VPS35L: variants seen among roughly 807,000 people sequenced by gnomAD.
VPS35L encodes the protein VPS35 endosomal protein sorting factor like, also known as VPS35 endosomal protein-sorting factor-like.
Under a neutral mutation model 133.0 loss-of-function variants are expected in VPS35L, and 83 were observed. The observed-to-expected ratio is 0.62, with a 90% CI of 0.52 to 0.75. The LOEUF (loss-of-function observed/expected upper bound fraction) is 0.75, where lower values mean the gene tolerates loss of function less well. Among genes scored for constraint, VPS35L ranks in the 30% least tolerant of loss-of-function variants. The pLI is 0.00. For missense variants in VPS35L, 1,083 were observed against 1,206.8 expected (o/e 0.90, Z 1.52); for synonymous variants, 423 against 449.9 (o/e 0.94, Z 0.76).
At chr16:19,649,844 G>A (rs1290216774) in intron 24 of VPS35L, among the ~76,000 whole-genome samples, 1 of 152,184 alleles carries the variant, frequency 6.6e-6, no homozygotes, top group Non-Finnish European at 1.5e-5. Flanking sequence ...GGAAATCAGG[G>A]GAGGTAATAG....
intron 2 of VPS35L, among the ~76,000 whole-genome samples, chr16:19,568,202 AG>A (rs1971247375): frequency 6.6e-6 from 1 of 152,176 alleles, no homozygotes; most frequent in South Asian, 2.1e-4. Context: ...AGAGCTACGT[AG>A]GGTGAGGCCC....
intron 14 of VPS35L, among the ~76,000 whole-genome samples, chr16:19,622,269 C>T (rs62024064): frequency 1.5e-3 from 225 of 151,652 alleles, no homozygotes; most frequent in Non-Finnish European, 3.0e-3. Flanking sequence ...CTCAGCCTCC[C>T]AAGTAACTGG....
intron 28 of VPS35L, among the ~76,000 whole-genome samples, chr16:19,691,049 C>T (rs866409553): frequency 6.6e-6 from 1 of 152,222 alleles, no homozygotes; most frequent in African/African-American, 2.4e-5. Context: ...AAGCCCTAGC[C>T]CAGTGCCTGG....
rs544461920 is a variant in VPS35L at position 19,624,828 on chromosome 16, T to A, written c.1225-1349T>A. On this transcript the variant is annotated intron_variant, in intron 14 of 30. Transcript: ENST00000417362. ...GGCTTTTGCATCTGTAAAATGGGGA[T>A]AATGTTCCATGGACCTCACAAGGAC... Among the ~76,000 whole-genome samples, 25 of 152,214 alleles carry A rather than the reference T, an allele frequency of 1.6e-4. No homozygotes were observed. The East Asian group carries it at 3.7e-3, about 22-fold the overall frequency.
intron 12 of VPS35L, chr16:19,611,822 G>A (rs2151548628): frequency 6.6e-6 from 1 of 152,090 alleles, no homozygotes; most frequent in Middle Eastern, 3.4e-3. Context: ...GACAACTTTT[G>A]AATATATTAA....
intron 27 of VPS35L, among the ~76,000 whole-genome samples, chr16:19,675,182 C>T (rs900193780): frequency 1.3e-5 from 2 of 151,818 alleles, no homozygotes; most frequent in Admixed American, 6.6e-5. Context: ...AACGCCAAGG[C>T]TCAAGTGCTC....
At chr16:19,669,324 G>A in intron 27 of VPS35L, 25 bp downstream of exon 27, 1 of 1,586,024 alleles carries the variant, frequency 6.3e-7, no homozygotes, top group Non-Finnish European at 8.6e-7. Context: ...CAGAACCGCA[G>A]GACATGTCTT....
chr16:19,581,717 T>TA, intron 7 of VPS35L, 64 bp downstream of exon 7: 1 of 1,581,996 alleles, frequency 6.3e-7, no homozygotes, highest in Non-Finnish European at 8.6e-7. Flanking sequence ...CTGTGAGACT[T>TA]AGAGTTTTCA....
intron 12 of VPS35L, among the ~76,000 whole-genome samples, chr16:19,615,530 A>G (rs939583907): frequency 6.6e-6 from 1 of 152,120 alleles, no homozygotes; most frequent in Non-Finnish European, 1.5e-5. Context: ...CATGCCTGTA[A>G]TCCCTGCTAC....
chr16:19,581,677 C>A, intron 7 of VPS35L, 24 bp downstream of exon 7: 2 of 1,611,218 alleles, frequency 1.2e-6, no homozygotes, highest in South Asian at 2.2e-5. Context: ...ATCCCCCACC[C>A]CCACCCAGAA....
At chr16:19,658,586 A>G (rs1300271096) in intron 26 of VPS35L, among the ~76,000 whole-genome samples, 3 of 152,168 alleles carry the variant, frequency 2.0e-5, no homozygotes, top group Admixed American at 6.5e-5. Context: ...TCTGTTTACA[A>G]TTATTACACT....
chr16:19,576,867 C>T (rs1971556920), intron 5 of VPS35L, among the ~76,000 whole-genome samples: 2 of 152,136 alleles, frequency 1.3e-5, no homozygotes, highest in Admixed American at 6.6e-5. Flanking sequence ...CCACCAGGCC[C>T]AGCTAATTTT....
chr16:19,669,448 T>C, intron 27 of VPS35L, 149 bp downstream of exon 27: 1 of 990,538 alleles, frequency 1.0e-6, no homozygotes, highest in Non-Finnish European at 1.4e-6. Flanking sequence ...GCTTAATGAA[T>C]TTTCTATTCT....
At chr16:19,640,934 G>A (rs907284523) in intron 21 of VPS35L, among the ~76,000 whole-genome samples, 2 of 152,162 alleles carry the variant, frequency 1.3e-5, no homozygotes, top group African/African-American at 4.8e-5. Context: ...TTTTTGTAGA[G>A]ATGAGGTCTC....
At chr16:19,647,420 A>G (rs1349715865) in intron 23 of VPS35L, among the ~76,000 whole-genome samples, 3 of 152,192 alleles carry the variant, frequency 2.0e-5, no homozygotes, top group Non-Finnish European at 4.4e-5. Flanking sequence ...ACTTCCATCT[A>G]TGGCTTCTGT....
intron 26 of VPS35L, among the ~76,000 whole-genome samples, chr16:19,664,898 T>TAA (rs796465463): frequency 1.9e-4 from 23 of 123,808 alleles, no homozygotes; most frequent in South Asian, 5.2e-4. Flanking sequence ...AGAGTTCATC[T>TAA]AAAAAAAAAA....
chr16:19,647,982 C>G (rs1974005676), intron 24 of VPS35L, 100 bp downstream of exon 24: 5 of 1,096,666 alleles, frequency 4.6e-6, no homozygotes, highest in Non-Finnish European at 6.9e-6. Flanking sequence ...GAGACAGGGT[C>G]TCACTCTGTC....
intron 26 of VPS35L, among the ~76,000 whole-genome samples, chr16:19,668,335 G>A (rs138859763): frequency 1.3e-5 from 2 of 152,094 alleles, no homozygotes; most frequent in East Asian, 3.9e-4. Context: ...TTTTTCTCAC[G>A]GTCAATACCT....
At chr16:19,644,803 A>G in intron 22 of VPS35L, 83 bp from the exon 23 acceptor site, 2 of 968,472 alleles carry the variant, frequency 2.1e-6, no homozygotes, top group Non-Finnish European at 1.5e-6. Flanking sequence ...TACCTGTTAA[A>G]TTACTTACCC....
Sources: allele counts gnomAD v4.1 joint callset (sites outside exome capture counted in the v4.1 genomes callset), GRCh38; gene constraint gnomAD v4.1.1; transcripts MANE v1.5; gene names NCBI Gene and HGNC (gene_info 2026-07-23, HGNC 2026-07-21).